Variants in ATP13A3 observed in about 807,000 individuals in gnomAD.
The protein encoded by ATP13A3 is ATPase 13A3, also known as polyamine-transporting ATPase 13A3.
ATP13A3 carries 59 observed loss-of-function variants against 158.1 expected under a neutral mutation model. That is an observed-to-expected ratio of 0.37 (90% CI 0.30 to 0.46). The LOEUF (loss-of-function observed/expected upper bound fraction) is 0.46. Ranked by LOEUF, ATP13A3 falls within the 20% of genes least tolerant of loss-of-function variation. The pLI is 1.00. For synonymous variants in ATP13A3, 491 were observed against 504.3 expected (o/e 0.97, Z 0.35); for missense variants, 1,166 against 1,525.2 (o/e 0.76, Z 3.92).
rs762829591 is a variant in ATP13A3, at chr3:194,460,722, C to T, written c.161G>A (p.Arg54Gln). 21 of 1,614,020 alleles carry T rather than the reference C, an allele frequency of 1.3e-5. No homozygotes were observed. Among genetic ancestry groups the T allele is most frequent in the South Asian group, 2.2e-5 (2 of 91,086 alleles). ...LLLLYWMPEWRVKATCVRAAI... is the reference protein window; with the variant it reads ...LLLLYWMPEWQVKATCVRAAI... The stretch of plus-strand genomic sequence containing the variant: ...AGCTCTGACACAGGTCGCTTTCACC[C>T]GCCACTCAGGCATCCAATAGAGGAG... The change falls in exon 4 of 34, where the codon CGG becomes CAG. Residue 54 changes from arginine to glutamine, a missense_variant. Transcript: ENST00000645319.
Position 194,480,657 on chromosome 3 carries a change from T to C in ATP13A3, c.-47+5137A>G, listed in dbSNP as rs1044151744. On this transcript the variant is annotated intron_variant, in intron 2 of 33. Coordinates refer to ENST00000645319, the MANE Select transcript of ATP13A3 (RefSeq NM_001367549.1). ...TTTTTGTGGCATAACCTTACGGAGA[T>C]AGCAGATGTTCATAAATACCTAAGT... is the stretch of plus-strand genomic sequence containing the variant. Among the ~76,000 whole-genome samples, 3 of 152,202 alleles carry C rather than the reference T, an allele frequency of 2.0e-5. No individual in the cohort carries two copies. In the East Asian group the frequency reaches 5.8e-4, roughly 29 times the overall value.
Position 194,429,765 on chromosome 3 carries a change from A to T in ATP13A3, c.2787T>A (p.Arg929=). The stretch of plus-strand genomic sequence containing the variant: ...CACAGAAGGAAGTTATTAAAGCAGC[A>T]CGGCCTTCCCTGTGAAAAGAAATCA... ...SCVPNLIREG[R]AALITSFCVF... is the part of the protein sequence containing the mutation. The change falls in exon 27 of 34, where the codon CGT becomes CGA. Residue 929 remains arginine (R), a synonymous_variant. Transcript: ENST00000645319. 6.2e-7 allele frequency: 1 copy of T among 1,613,878 alleles called. No individual in the cohort carries two copies. Among genetic ancestry groups the T allele is most frequent in the Non-Finnish European group, 8.5e-7 (1 of 1,179,812 alleles).
rs1714753322 is a variant in ATP13A3, at chr3:194,403,643, C to T, written c.*2276G>A. ...ATTTTAAAATTTAGGTCTGTATAAA[C>T]TCAAATAATTTAATGTGAAATTCAG... On this transcript the variant is annotated 3_prime_UTR_variant, in exon 34 of 34. Coordinates refer to ENST00000645319, the MANE Select transcript of ATP13A3 (RefSeq NM_001367549.1). 6.5e-6 allele frequency: 1 copy of T among 153,028 alleles called. No individual in the cohort carries two copies. Among genetic ancestry groups the T allele is most frequent in the Non-Finnish European group, 1.5e-5 (1 of 68,714 alleles). 9.5% of individuals were successfully genotyped at this position (153,028 alleles called of 1,614,324 possible).
chr3:194,484,253 T>TA (rs200756153), intron 2 of ATP13A3, among the ~76,000 whole-genome samples: 2,489 of 152,258 alleles, frequency 0.016, 33 homozygotes, highest in East Asian at 0.047. Flanking sequence ...ATTTTTTTTT[T>TA]AACAAAGAAG....
rs747542412 is a variant in ATP13A3, at chr3:194,453,721, A to C, written c.823T>G (p.Cys275Gly). 6.2e-7 allele frequency: 1 copy of C among 1,612,474 alleles called. No individual in the cohort carries two copies. Among genetic ancestry groups the C allele is most frequent in the African/African-American group, 1.3e-5 (1 of 74,988 alleles). ...ATHSTVRVSV[C>G]RVNEEIEEIF... ...AATTACTTACCTTCATTTACTCTACAAACTGAAACTCTTACGGTACTATGA... is the reference window on the plus strand; with the variant it reads ...AATTACTTACCTTCATTTACTCTACCAACTGAAACTCTTACGGTACTATGA... The change falls in exon 10 of 34, where the codon TGT (cysteine) becomes GGT (glycine). Residue 275 changes from cysteine to glycine, a missense_variant. Transcript: ENST00000645319.
chr3:194,410,506 C>T (rs182734281), intron 33 of ATP13A3, among the ~76,000 whole-genome samples: 3 of 151,864 alleles, frequency 2.0e-5, no homozygotes, highest in Admixed American at 6.6e-5. Flanking sequence ...GAGCTCGAGG[C>T]TACAGTGAGC....
At chr3:194,438,729 A>G (rs1717836945) in intron 17 of ATP13A3, 127 bp downstream of exon 17, 1 of 518,958 alleles carries the variant, frequency 1.9e-6, no homozygotes, top group Non-Finnish European at 3.1e-6. Context: ...ATTTGAGCCC[A>G]GGAGTTTGAG....
At chr3:194,425,910 C>T (rs1191875536) in intron 29 of ATP13A3, among the ~76,000 whole-genome samples, 2 of 152,200 alleles carry the variant, frequency 1.3e-5, no homozygotes, top group Non-Finnish European at 2.9e-5. Flanking sequence ...TACCTCCTCG[C>T]TGGTTAAATG....
At chr3:194,410,065 C>T (rs987808986) in intron 33 of ATP13A3, among the ~76,000 whole-genome samples, 5 of 151,734 alleles carry the variant, frequency 3.3e-5, no homozygotes, top group Non-Finnish European at 7.4e-5. Context: ...TTCTCAGAAT[C>T]AGTTGACACA....
At chr3:194,471,508 C>G (rs60335580) in intron 2 of ATP13A3, among the ~76,000 whole-genome samples, 6,676 of 152,074 alleles carry the variant, frequency 0.044, 362 homozygotes, top group African/African-American at 0.13. Context: ...TGTGTACCAT[C>G]ACGCCCAGCA....
In ATP13A3 at chr3:194,405,998, G is replaced by A; in HGVS notation, c.3692C>T (p.Pro1231Leu). Residue 1231 changes from proline (P) to leucine (L), a missense_variant, in exon 34 of 34, where the codon CCA becomes CTA. By Grantham distance (98) the Pro-to-Leu change is moderately conservative. This residue lies in a region of ATP13A3 where 997 missense variants were observed against 1,341.2 expected (regional missense o/e 0.74). Coordinates refer to ENST00000645319, the MANE Select transcript of ATP13A3 (RefSeq NM_001367549.1). The stretch of plus-strand genomic sequence containing the variant: ...TTCTGTGGTTGTCTGAGGTTTTGGT[G>A]GCCATTCTGGATCAACCAAGAGCTC... ...AQELLVDPEW[P>L]PKPQTTTEAK... is the part of the protein sequence containing the mutation. 6.2e-7 allele frequency: 1 copy of A among 1,614,108 alleles called. No homozygotes were observed. Among genetic ancestry groups the A allele is most frequent in the Non-Finnish European group, 8.5e-7 (1 of 1,180,022 alleles).
intron 28 of ATP13A3, 24 bp from the exon 29 acceptor site, chr3:194,427,276 A>C (rs748167444): frequency 1.3e-6 from 2 of 1,566,960 alleles, no homozygotes; most frequent in Non-Finnish European, 1.7e-6. Flanking sequence ...AAAAAGAGGA[A>C]AGGTTTGTAT....
At chr3:194,451,236 T>C (rs889432650) in intron 10 of ATP13A3, 4 of 152,246 alleles carry the variant, frequency 2.6e-5, no homozygotes, top group Non-Finnish European at 4.4e-5. Flanking sequence ...TAGTACATAG[T>C]AGATATTATC....
At chr3:194,446,025 T>C (rs1476767513) in intron 14 of ATP13A3, among the ~76,000 whole-genome samples, 2 of 151,094 alleles carry the variant, frequency 1.3e-5, no homozygotes, top group African/African-American at 2.4e-5. Context: ...ATGGAGCCTA[T>C]TGTGTTAAAT....
Position 194,438,955 on chromosome 3 carries a change from A to G in ATP13A3, c.1728T>C (p.Thr576=). 1.9e-6 allele frequency: 3 copies of G among 1,589,860 alleles called. No individual in the cohort carries two copies. The highest frequency in any genetic ancestry group is 1.2e-5 in the South Asian group (1 of 86,072). Residue 576 remains threonine (T), a synonymous_variant, in exon 17 of 34, where the codon ACT becomes ACC. Coordinates refer to ENST00000645319, the MANE Select transcript of ATP13A3 (RefSeq NM_001367549.1). ...GATTATGAAGTGCTGTTTCTTCTTC[A>G]GTTGCTTCTTCCAGAATCTGGAAAA... ...EAIGWILEEA[T]EEETALHNRI... is the part of the protein sequence containing the mutation.
intron 2 of ATP13A3, among the ~76,000 whole-genome samples, chr3:194,472,554 T>C (rs2109025262): frequency 6.6e-6 from 1 of 152,336 alleles, no homozygotes; most frequent in African/African-American, 2.4e-5. Context: ...ACTGCTGCAG[T>C]TATCTGAAGT....
At chr3:194,434,438 T>C (rs987694262) in intron 20 of ATP13A3, among the ~76,000 whole-genome samples, 1 of 152,320 alleles carries the variant, frequency 6.6e-6, no homozygotes, top group Middle Eastern at 3.4e-3. Context: ...TTTAAATAAC[T>C]GAGTATCAAG....
At chr3:194,460,110 A>G (rs1719541782) in intron 4 of ATP13A3, 139 bp from the exon 5 acceptor site, 3 of 680,272 alleles carry the variant, frequency 4.4e-6, no homozygotes, top group African/African-American at 3.6e-5. Context: ...ACTAAATATT[A>G]AACCATTTCA....
intron 28 of ATP13A3, among the ~76,000 whole-genome samples, chr3:194,428,189 C>G (rs559275396): frequency 2.1e-5 from 3 of 144,564 alleles, no homozygotes; most frequent in African/African-American, 5.4e-5. Context: ...CCACTGCACT[C>G]CAGCCTGGGT....
Sources: gnomAD v4.1 joint callset for allele counts (sites outside exome capture counted in the v4.1 genomes callset) on GRCh38, gnomAD v4.1.1 for gene constraint, gnomAD v4.1.1 regional missense constraint, MANE v1.5 for transcripts, NCBI Gene and HGNC (gene_info 2026-07-23, HGNC 2026-07-21) for gene names.